ABCA4: variants seen among roughly 807,000 people sequenced by gnomAD.
ABCA4 encodes the protein retinal-specific phospholipid-transporting ATPase ABCA4.
Under a neutral mutation model 263.7 loss-of-function variants are expected in ABCA4, and 196 were observed. The ratio of observed to expected loss-of-function variants is 0.74; its 90% CI spans 0.66 to 0.84. The LOEUF is 0.84. Among genes scored for constraint, ABCA4 ranks in the 40% least tolerant of loss-of-function variants. ABCA4 has a pLI of 0.00. For synonymous variants in ABCA4, 1,133 were observed against 1,094.2 expected (o/e 1.04, Z -0.70); for missense variants, 2,792 against 2,855.1 (o/e 0.98, Z 0.50).
At chr1:94,035,512 A>C (rs1308229774) in intron 26 of ABCA4, among the ~76,000 whole-genome samples, 1 of 152,230 alleles carries the variant, frequency 6.6e-6, no homozygotes, top group Non-Finnish European at 1.5e-5. Flanking sequence ...GGCATAGTAG[A>C]TAGATGTTTG....
At chr1:94,083,485 G>T in intron 6 of ABCA4, 44 bp from the exon 7 acceptor site, 1 of 1,460,620 alleles carries the variant, frequency 6.8e-7, no homozygotes. Context: ...ATATATGTTT[G>T]TAGGTATATA....
At chr1:94,069,949 A>G (rs1353323463) in intron 11 of ABCA4, among the ~76,000 whole-genome samples, 1 of 152,198 alleles carries the variant, frequency 6.6e-6, no homozygotes, top group Admixed American at 6.5e-5. Flanking sequence ...AAATAAAAAG[A>G]TCAAGTTGGA....
chr1:94,107,735 A>G (rs1662480257), intron 4 of ABCA4, among the ~76,000 whole-genome samples: 1 of 151,596 alleles, frequency 6.6e-6, no homozygotes, highest in African/African-American at 2.4e-5. Flanking sequence ...CCTTTGCCCC[A>G]CTTCACCATG....
At chr1:93,997,808 G>A (rs1659049159) in intron 48 of ABCA4, 53 bp downstream of exon 48, 1 of 1,611,652 alleles carries the variant, frequency 6.2e-7, no homozygotes, top group Non-Finnish European at 8.5e-7. Context: ...AACCCACACT[G>A]GGTGTTCTGG....
rs933825535 is a variant in ABCA4 at position 94,029,685 on chromosome 1, C to G, written c.4353-54G>C. The G allele has an allele frequency of 1.9e-6, 3 of 1,540,534 alleles. No individual in the cohort carries two copies. In the African/African-American group the frequency reaches 4.1e-5, roughly 21 times the overall value. ...ATCAGCCTCAAAGTTGCTGACAAAT[C>G]CCTAGGCATAAGAAATTGTGCCCAA... On this transcript the variant is annotated intron_variant, in intron 29 of 49. Coordinates refer to ENST00000370225, the MANE Select transcript of ABCA4 (RefSeq NM_000350.3).
At chr1:94,115,732 T>C (rs886293627) in intron 1 of ABCA4, among the ~76,000 whole-genome samples, 8 of 152,200 alleles carry the variant, frequency 5.3e-5, no homozygotes, top group Admixed American at 3.3e-4. Context: ...CCATTTGTTA[T>C]TGCCTTACAG....
At chr1:94,063,821 AAC>A (rs1661195583) in intron 11 of ABCA4, among the ~76,000 whole-genome samples, 1 of 152,184 alleles carries the variant, frequency 6.6e-6, no homozygotes, top group Non-Finnish European at 1.5e-5. Context: ...GAGAGAAAAT[AAC>A]AGACAGCCAA....
At chr1:94,083,929 C>G (rs1274654563) in intron 6 of ABCA4, among the ~76,000 whole-genome samples, 2 of 152,220 alleles carry the variant, frequency 1.3e-5, no homozygotes, top group Non-Finnish European at 2.9e-5. Flanking sequence ...ACACTGCTCT[C>G]TCATGGAGGA....
intron 18 of ABCA4, among the ~76,000 whole-genome samples, chr1:94,047,314 C>T (rs1373185347): frequency 5.9e-5 from 9 of 152,198 alleles, no homozygotes; most frequent in African/African-American, 1.9e-4. Flanking sequence ...CTGCTTTACA[C>T]AAATTACCTC....
intron 6 of ABCA4, among the ~76,000 whole-genome samples, chr1:94,098,031 A>G (rs1290940755): frequency 6.6e-6 from 1 of 152,200 alleles, no homozygotes; most frequent in Admixed American, 6.5e-5. Flanking sequence ...TGCTGGGATT[A>G]CAGGCGTGAG....
intron 39 of ABCA4, 91 bp from the exon 40 acceptor site, chr1:94,011,020 A>G: frequency 6.2e-7 from 1 of 1,606,060 alleles, no homozygotes; most frequent in Non-Finnish European, 8.5e-7. Flanking sequence ...ACCAGGCCTT[A>G]TGTGGGAACT....
chr1:94,106,043 C>A (rs1338869243), intron 4 of ABCA4, among the ~76,000 whole-genome samples: 1 of 152,224 alleles, frequency 6.6e-6, no homozygotes, highest in African/African-American at 2.4e-5. Context: ...CAGGCCCTGG[C>A]CTGGGATTTC....
In ABCA4 at chr1:94,008,846, T is replaced by C; in HGVS notation, c.5740A>G (p.Ile1914Val). The change falls in exon 41 of 50, where the codon ATT (isoleucine) becomes GTT (valine). Residue 1914 changes from isoleucine (I) to valine (V), a missense_variant. Transcript: ENST00000370225. ...GCCACATCATCATCTTCATCAACAA[T>C]GGGCTCCTTAGTGGGCTCGGCAATC... ...QWIAEPTKEP[I>V]VDEDDDVAEE... The C allele has an allele frequency of 6.2e-7, 1 of 1,613,402 alleles. No homozygotes were observed. The highest frequency in any genetic ancestry group is 8.5e-7 in the Non-Finnish European group (1 of 1,179,894).
rs1429015000 is a variant in ABCA4 at position 94,001,097 on chromosome 1, G to A, written c.6291C>T (p.Pro2097=). 6.2e-7 allele frequency: 1 copy of A among 1,613,652 alleles called. No homozygotes were observed. Among genetic ancestry groups the A allele is most frequent in the Non-Finnish European group, 8.5e-7 (1 of 1,179,906 alleles). Residue 2097 remains proline, a synonymous_variant, in exon 46 of 50, where the codon CCC becomes CCT. Coordinates refer to ENST00000370225, the MANE Select transcript of ABCA4 (RefSeq NM_000350.3). ...GTGCCTGGGGGTCCATCCCTGTGGT[G>A]GGCTCATCCTGGGGGGTGGAGAGAA... ...GCPPLVLLDE[P]TTGMDPQARR... is the part of the protein sequence containing the mutation.
intron 1 of ABCA4, 108 bp downstream of exon 1, chr1:94,120,872 A>T (rs955040567): frequency 1.1e-6 from 1 of 907,546 alleles, no homozygotes; most frequent in Non-Finnish European, 1.7e-6. Flanking sequence ...CTGACTGCTC[A>T]CAACCCCCCA....
chr1:94,052,545 A>G (rs1444864343), intron 16 of ABCA4, among the ~76,000 whole-genome samples: 2 of 152,224 alleles, frequency 1.3e-5, no homozygotes, highest in Non-Finnish European at 2.9e-5. Flanking sequence ...TAGCTGTTGA[A>G]TAAATGAAAG....
chr1:94,109,537 G>A (rs1331594227), intron 3 of ABCA4, among the ~76,000 whole-genome samples: 1 of 152,224 alleles, frequency 6.6e-6, no homozygotes, highest in African/African-American at 2.4e-5. Context: ...GTTCAGAGAT[G>A]AGCTTCTGAT....
At chr1:93,998,655 G>A (rs1328524741) in intron 47 of ABCA4, among the ~76,000 whole-genome samples, 1 of 151,842 alleles carries the variant, frequency 6.6e-6, no homozygotes, top group Non-Finnish European at 1.5e-5. Flanking sequence ...ATGTCTGCAT[G>A]GTAATGTGGG....
chr1:94,104,498 G>A (rs1662369951), intron 4 of ABCA4, among the ~76,000 whole-genome samples: 2 of 152,192 alleles, frequency 1.3e-5, no homozygotes, highest in Non-Finnish European at 1.5e-5. Context: ...TCATCCCCAG[G>A]TTGTGCCTTT....
Sources: gnomAD v4.1 joint callset for allele counts (sites outside exome capture counted in the v4.1 genomes callset) on GRCh38, gnomAD v4.1.1 for gene constraint, MANE v1.5 for transcripts, NCBI Gene and HGNC (gene_info 2026-07-23, HGNC 2026-07-21) for gene names.